The following ZNF644 variants were observed in gnomAD, a reference collection of about 807,000 sequenced individuals.
ZNF644 encodes zinc finger protein 644.
ZNF644 carries 20 observed loss-of-function variants against 108.0 expected under a neutral mutation model. The ratio of observed to expected loss-of-function variants is 0.19; its 90% CI spans 0.13 to 0.27. ZNF644 has a LOEUF of 0.27. Ranked by LOEUF, ZNF644 falls within the 10% of genes least tolerant of loss-of-function variation. ZNF644 has a pLI of 1.00. For synonymous variants in ZNF644, 542 were observed against 539.1 expected (o/e 1.01, Z -0.08); for missense variants, 1,338 against 1,548.9 (o/e 0.86, Z 2.29).
chr1:90,968,777 C>G (rs1181016811), intron 2 of ZNF644, among the ~76,000 whole-genome samples: 1 of 152,104 alleles, frequency 6.6e-6, no homozygotes, highest in Non-Finnish European at 1.5e-5. Context: ...TTTAAGGATA[C>G]CTTTCAATAT....
chr1:91,006,725 G>C (rs1045458204), intron 1 of ZNF644, among the ~76,000 whole-genome samples: 4 of 151,762 alleles, frequency 2.6e-5, no homozygotes, highest in Non-Finnish European at 5.9e-5. Flanking sequence ...CCCTATCCTT[G>C]AATCTCCCTT....
intron 2 of ZNF644, among the ~76,000 whole-genome samples, chr1:90,958,231 C>A (rs1279766507): frequency 5.2e-5 from 4 of 76,740 alleles, no homozygotes; most frequent in African/African-American, 4.8e-5. Flanking sequence ...AGCAAAACTC[C>A]TAAAAAAAAA....
intron 2 of ZNF644, among the ~76,000 whole-genome samples, chr1:90,950,306 GGACAA>G (rs1458846789): frequency 2.2e-5 from 1 of 45,108 alleles, no homozygotes; most frequent in African/African-American, 9.6e-5. Flanking sequence ...GGAGGGGAGG[GGACAA>G]AAGAAAAGAA....
chr1:90,957,299 G>C lies in ZNF644; in HGVS notation c.45-15990C>G, dbSNP rs530208006. Reference sequence around the variant, plus strand: ...CTTCCTAACACATTCTAAGCAGCCAGCATTACCCTAATACCAAAGCCAAAG... The same window carrying C: ...CTTCCTAACACATTCTAAGCAGCCACCATTACCCTAATACCAAAGCCAAAG... On this transcript the variant is annotated intron_variant, in intron 2 of 5. Transcript: ENST00000337393. 7.2e-5 allele frequency among the ~76,000 whole-genome samples: 11 copies of C among 152,120 alleles called. 1 individual carries two copies. In the South Asian group the frequency reaches 1.9e-3, roughly 26 times the overall value.
At chr1:90,974,096 C>G (rs1160035873) in intron 2 of ZNF644, among the ~76,000 whole-genome samples, 1 of 152,124 alleles carries the variant, frequency 6.6e-6, no homozygotes, top group African/African-American at 2.4e-5. Flanking sequence ...ACAGGCTCTG[C>G]TAAGTCCACC....
intron 2 of ZNF644, among the ~76,000 whole-genome samples, chr1:90,946,189 T>C (rs1209404869): frequency 6.6e-6 from 1 of 152,092 alleles, no homozygotes; most frequent in East Asian, 1.9e-4. Context: ...CCATACACAA[T>C]GTACAAACAT....
intron 2 of ZNF644, among the ~76,000 whole-genome samples, chr1:90,952,601 G>C (rs1006466727): frequency 5.9e-5 from 9 of 151,784 alleles, no homozygotes; most frequent in African/African-American, 2.2e-4. Context: ...GCAGAAAGTT[G>C]ATACAATTAA....
At chr1:90,944,365 AT>A (rs1384773109) in intron 2 of ZNF644, among the ~76,000 whole-genome samples, 1 of 152,204 alleles carries the variant, frequency 6.6e-6, no homozygotes, top group African/African-American at 2.4e-5. Flanking sequence ...CATAGAAAAA[AT>A]ATATGTGCAT....
In ZNF644 at chr1:90,938,581, C is replaced by T; in HGVS notation, c.2773G>A (p.Gly925Arg). Residue 925 changes from glycine to arginine, a missense_variant, in exon 3 of 6, where the codon GGA (glycine) becomes AGA (arginine). By Grantham distance (125) the Gly-to-Arg change is moderately radical. Transcript: ENST00000337393. The surrounding 1 kb of genome is among the most constrained non-coding windows in gnomAD (Gnocchi z 4.2). ...ATCTCATGCAAAAAGTTGTTACTTC[C>T]AGTATCTTCATAGTATTCAAAATAA... Reference protein sequence around the residue: ...GFYFEYYEDTGSNNFLHEIHD... With the variant: ...GFYFEYYEDTRSNNFLHEIHD... The T allele has an allele frequency of 5.0e-6, 8 of 1,613,802 alleles. No homozygotes were observed. Among genetic ancestry groups the T allele is most frequent in the Non-Finnish European group, 6.8e-6 (8 of 1,179,820 alleles).
At chr1:91,007,219 C>CTTTTTTTTTTT (rs1557658445) in intron 1 of ZNF644, among the ~76,000 whole-genome samples, 1 of 114,248 alleles carries the variant, frequency 8.8e-6, no homozygotes, top group Admixed American at 9.1e-5. Context: ...CATTTTCTCC[C>CTTTTTTTTTTT]ATTTTGTTTT....
At chr1:90,976,708 C>T (rs564841746) in intron 2 of ZNF644, among the ~76,000 whole-genome samples, 9 of 152,062 alleles carry the variant, frequency 5.9e-5, no homozygotes, top group Non-Finnish European at 1.2e-4. Context: ...ACAAATTTAA[C>T]AGCACAGTGA....
Position 90,937,555 on chromosome 1 carries a change from G to A in ZNF644, c.3618C>T (p.Cys1206=), listed in dbSNP as rs372462662. The A allele has an allele frequency of 4.3e-5, 70 of 1,613,738 alleles. No individual in the cohort carries two copies. The highest frequency in any genetic ancestry group is 5.4e-5 in the Non-Finnish European group (64 of 1,179,802). The part of the protein sequence containing the change: ...QTARKRFVQK[C]VLPLNEDSPL... The stretch of plus-strand genomic sequence containing the variant: ...GACTATCCTCATTTAATGGAAGAAC[G>A]CATTTCTGAACGAATCTCTTTCTTG... Residue 1206 remains cysteine (C), a synonymous_variant, in exon 4 of 6, where the codon TGC becomes TGT. Transcript: ENST00000337393.
chr1:91,005,107 T>C (rs1006993176), intron 1 of ZNF644, among the ~76,000 whole-genome samples: 2 of 152,070 alleles, frequency 1.3e-5, no homozygotes, highest in Admixed American at 1.3e-4. Context: ...TGAGATTAAA[T>C]AGATACAAAT....
chr1:90,977,159 T>C (rs1318916875), intron 2 of ZNF644, among the ~76,000 whole-genome samples: 1 of 152,106 alleles, frequency 6.6e-6, no homozygotes, highest in Non-Finnish European at 1.5e-5. Context: ...ATTCTAATGA[T>C]TGCGTTGTAA....
intron 4 of ZNF644, among the ~76,000 whole-genome samples, chr1:90,926,069 CA>C (rs1650000044): frequency 6.6e-6 from 1 of 152,090 alleles, no homozygotes; most frequent in Admixed American, 6.6e-5. Context: ...ACTTGCTCCC[CA>C]CTGATATCAA....
intron 4 of ZNF644, 144 bp from the exon 5 acceptor site, chr1:90,918,298 T>C: frequency 2.9e-6 from 2 of 699,090 alleles, no homozygotes; most frequent in East Asian, 2.7e-5. Context: ...GAAGCATGCA[T>C]TCAACTTGCT....
At chr1:90,968,607 T>C (rs1364094202) in intron 2 of ZNF644, among the ~76,000 whole-genome samples, 3 of 152,166 alleles carry the variant, frequency 2.0e-5, no homozygotes, top group Admixed American at 1.3e-4. Context: ...CAGATTAAAC[T>C]GTGTAATTTT....
chr1:90,945,901 C>T (rs907298172), intron 2 of ZNF644, among the ~76,000 whole-genome samples: 7 of 151,826 alleles, frequency 4.6e-5, no homozygotes, highest in African/African-American at 1.7e-4. Flanking sequence ...TACAATTTGC[C>T]CTCATTGTAT....
chr1:90,996,822 G>T (rs577611238), intron 1 of ZNF644, among the ~76,000 whole-genome samples: 1 of 152,196 alleles, frequency 6.6e-6, no homozygotes, highest in African/African-American at 2.4e-5. Flanking sequence ...GCAGGCACTA[G>T]GAAAGACAGA....
Sources: gnomAD v4.1 joint callset for allele counts (sites outside exome capture counted in the v4.1 genomes callset) on GRCh38, gnomAD v4.1.1 for gene constraint, Gnocchi (gnomAD v3.1) non-coding constraint, MANE v1.5 for transcripts, NCBI Gene and HGNC (gene_info 2026-07-23, HGNC 2026-07-21) for gene names.